Variants in ADGRL3 observed in about 807,000 individuals in gnomAD.
ADGRL3 encodes calcium-independent alpha-latrotoxin receptor 3.
Under a neutral mutation model 153.5 loss-of-function variants are expected in ADGRL3, and 62 were observed. The observed-to-expected ratio is 0.40, with a 90% CI of 0.33 to 0.50. The LOEUF (loss-of-function observed/expected upper bound fraction) is 0.50, where lower values mean the gene tolerates loss of function less well. ADGRL3 is among the 20% of genes least tolerant of loss of function. The pLI is 0.47. For synonymous variants in ADGRL3, 710 were observed against 672.5 expected, an observed-to-expected ratio of 1.06 and a Z score of -0.86; for missense variants, 1,641 against 1,859.4, an observed-to-expected ratio of 0.88 and a Z score of 2.16.
chr4:61,727,019 T>TA (rs1320027751), intron 6 of ADGRL3, among the ~76,000 whole-genome samples: 1 of 152,180 alleles, frequency 6.6e-6, no homozygotes, highest in African/African-American at 2.4e-5. Flanking sequence ...GATGTAATTT[T>TA]AAAAAACTTG....
intron 2 of ADGRL3, among the ~76,000 whole-genome samples, chr4:61,444,926 G>A (rs986098827): frequency 2.6e-5 from 4 of 152,060 alleles, no homozygotes; most frequent in South Asian, 2.1e-4. Flanking sequence ...AGTGGTGTAC[G>A]CCTGTAGTCC....
intron 5 of ADGRL3, among the ~76,000 whole-genome samples, chr4:61,595,385 C>G (rs973508204): frequency 6.6e-6 from 1 of 152,034 alleles, no homozygotes; most frequent in Non-Finnish European, 1.5e-5. Context: ...GTAATAAGTC[C>G]TTCCAGGACT....
intron 19 of ADGRL3, among the ~76,000 whole-genome samples, chr4:61,988,409 T>G (rs150093678): frequency 1.7e-4 from 26 of 152,288 alleles, no homozygotes; most frequent in Non-Finnish European, 3.4e-4. Context: ...ATTTATCTCT[T>G]TCTTATATCT....
intron 4 of ADGRL3, among the ~76,000 whole-genome samples, chr4:61,529,386 T>A (rs1196149133): frequency 6.6e-6 from 1 of 152,166 alleles, no homozygotes; most frequent in Admixed American, 6.5e-5. Flanking sequence ...GTATTATAGT[T>A]AGGCTAACCA....
intron 12 of ADGRL3, 133 bp downstream of exon 12, chr4:61,909,878 G>A (rs2098714394): frequency 5.3e-6 from 3 of 571,276 alleles, no homozygotes; most frequent in Middle Eastern, 9.7e-4. Context: ...TCATTATAAA[G>A]AGAATCAACA....
chr4:61,654,515 G>A (rs1456408222), intron 5 of ADGRL3, among the ~76,000 whole-genome samples: 4 of 151,588 alleles, frequency 2.6e-5, no homozygotes, highest in African/African-American at 9.7e-5. Flanking sequence ...GTACTTTTTA[G>A]AATTGTATTC....
At chr4:61,509,639 T>G (rs1345756295) in intron 3 of ADGRL3, among the ~76,000 whole-genome samples, 1 of 151,946 alleles carries the variant, frequency 6.6e-6, no homozygotes, top group Admixed American at 6.6e-5. Flanking sequence ...TATATATATA[T>G]ATATAATTTT....
At chr4:61,975,329 A>G (rs955104240) in intron 17 of ADGRL3, among the ~76,000 whole-genome samples, 1 of 152,124 alleles carries the variant, frequency 6.6e-6, no homozygotes. Flanking sequence ...AGCCACGCAG[A>G]TATCTTTTGG....
At chr4:61,634,427 C>T (rs2093327701) in intron 5 of ADGRL3, among the ~76,000 whole-genome samples, 1 of 151,910 alleles carries the variant, frequency 6.6e-6, no homozygotes, top group African/African-American at 2.4e-5. Flanking sequence ...GCAAAGAGGC[C>T]ATCATTAAAG....
intron 25 of ADGRL3, among the ~76,000 whole-genome samples, chr4:62,054,342 C>T (rs1250471267): frequency 1.3e-5 from 2 of 151,586 alleles, no homozygotes; most frequent in Non-Finnish European, 1.5e-5. Context: ...GCAAACCAAC[C>T]ACTTTGCTTT....
chr4:61,707,385 A>AAT (rs2095874364), intron 6 of ADGRL3, among the ~76,000 whole-genome samples: 1 of 152,194 alleles, frequency 6.6e-6, no homozygotes, highest in Non-Finnish European at 1.5e-5. Flanking sequence ...AAAAAAGGCA[A>AAT]TATCTGCAAA....
intron 4 of ADGRL3, among the ~76,000 whole-genome samples, chr4:61,527,152 T>C (rs552116239): frequency 1.3e-5 from 2 of 152,072 alleles, no homozygotes; most frequent in South Asian, 4.1e-4. Flanking sequence ...CAAAAATATA[T>C]AGATTTCTCA....
intron 1 of ADGRL3, among the ~76,000 whole-genome samples, chr4:61,380,471 G>T (rs1258999012): frequency 3.3e-5 from 5 of 151,954 alleles, no homozygotes; most frequent in African/African-American, 9.7e-5. Context: ...TGTAATTGAT[G>T]AATTGAATGT....
chr4:61,345,806 A>G (rs932463378), intron 1 of ADGRL3, among the ~76,000 whole-genome samples: 4 of 152,234 alleles, frequency 2.6e-5, no homozygotes, highest in Non-Finnish European at 5.9e-5. Flanking sequence ...ATTTAGTAGC[A>G]AAATATTTCA....
chr4:61,507,260 A>G (rs1163060821), intron 3 of ADGRL3, among the ~76,000 whole-genome samples: 3 of 152,190 alleles, frequency 2.0e-5, no homozygotes, highest in African/African-American at 7.2e-5. Flanking sequence ...CTCTCCCTCC[A>G]GGGAACACTA....
Position 61,813,999 on chromosome 4 carries a change from G to T in ADGRL3, c.1480+110G>T, listed in dbSNP as rs905887201. On this transcript the variant is annotated intron_variant, in intron 9 of 26. Coordinates refer to ENST00000683033, the MANE Select transcript of ADGRL3 (RefSeq NM_001387552.1). Reference sequence around the variant, plus strand: ...TGCAGTGCCTGTTCAAAAAGCAGGGGTAAAATGAAGTATGTGAGTAATCTG... The same window carrying T: ...TGCAGTGCCTGTTCAAAAAGCAGGGTTAAAATGAAGTATGTGAGTAATCTG... 31 of 1,342,774 alleles carry T rather than the reference G, an allele frequency of 2.3e-5. No homozygotes were observed. In the African/African-American group the frequency reaches 4.5e-4, roughly 20 times the overall value. 83.2% of individuals were successfully genotyped at this position (1,342,774 alleles called of 1,614,324 possible).
chr4:62,049,449 G>C (rs1732957163), intron 25 of ADGRL3, among the ~76,000 whole-genome samples: 1 of 152,126 alleles, frequency 6.6e-6, no homozygotes, highest in Non-Finnish European at 1.5e-5. Flanking sequence ...GCCAAATTTA[G>C]TTGTTATATA....
intron 2 of ADGRL3, among the ~76,000 whole-genome samples, chr4:61,478,488 G>A (rs1333043597): frequency 6.6e-6 from 1 of 152,034 alleles, no homozygotes; most frequent in African/African-American, 2.4e-5. Context: ...ATGCTCCTTA[G>A]AATTCAAAGA....
At chr4:61,559,593 C>G (rs1191616193) in intron 4 of ADGRL3, among the ~76,000 whole-genome samples, 1 of 151,944 alleles carries the variant, frequency 6.6e-6, no homozygotes, top group Non-Finnish European at 1.5e-5. Context: ...AATGTTCATG[C>G]TTTGTAATAT....
Sources: allele counts gnomAD v4.1 joint callset (sites outside exome capture counted in the v4.1 genomes callset), GRCh38; gene constraint gnomAD v4.1.1; transcripts MANE v1.5; gene names NCBI Gene and HGNC (gene_info 2026-07-23, HGNC 2026-07-21).